COL4A5: variants seen among roughly 807,000 people sequenced by gnomAD.
The protein encoded by COL4A5 is collagen type IV alpha 5 chain, also known as collagen alpha-5(IV) chain.
COL4A5 carries 26 observed loss-of-function variants against 130.2 expected under a neutral mutation model. That is an observed-to-expected ratio of 0.20 (90% CI 0.15 to 0.28). The LOEUF (loss-of-function observed/expected upper bound fraction) is 0.28, where lower values mean the gene tolerates loss of function less well. Ranked by LOEUF, COL4A5 falls within the 10% of genes least tolerant of loss-of-function variation. The pLI, the probability that COL4A5 is intolerant of heterozygous loss-of-function variation, is 1.00. For missense variants in COL4A5, 1,131 were observed against 1,344.3 expected, an observed-to-expected ratio of 0.84 and a Z score of 2.48; for synonymous variants, 496 against 439.6, an observed-to-expected ratio of 1.13 and a Z score of -1.60.
intron 44 of COL4A5, among the ~76,000 whole-genome samples, chrX:108,680,095 A>G (rs889329204): frequency 3.6e-5 from 4 of 112,309 alleles, no homozygotes; most frequent in Non-Finnish European, 5.6e-5. Context: ...ATTCAGACTT[A>G]TCAGTTCTGA....
intron 1 of COL4A5, among the ~76,000 whole-genome samples, chrX:108,443,862 T>C (rs958373215): frequency 8.9e-5 from 10 of 112,344 alleles, no homozygotes; most frequent in Admixed American, 2.8e-4. Flanking sequence ...TTTTAGCATA[T>C]GTTGATGATT....
chrX:108,450,037 G>T (rs928995878), intron 1 of COL4A5, among the ~76,000 whole-genome samples: 1 of 111,393 alleles, frequency 9.0e-6, no homozygotes, highest in South Asian at 3.8e-4. Context: ...ATACTCTCAG[G>T]GGGGAGAAAG....
chrX:108,472,923 G>T (rs1042011288), intron 1 of COL4A5, among the ~76,000 whole-genome samples: 1 of 111,731 alleles, frequency 9.0e-6, no homozygotes, highest in African/African-American at 3.2e-5. Context: ...CCACATCCTC[G>T]CTAACATTCA....
At chrX:108,658,599 C>A in intron 37 of COL4A5, among the ~76,000 whole-genome samples, 1 of 111,257 alleles carries the variant, frequency 9.0e-6, no homozygotes, top group East Asian at 2.8e-4. Context: ...AGTTATATTA[C>A]TATTCAGATG....
chrX:108,485,148 A>T (rs1460396191), intron 1 of COL4A5, among the ~76,000 whole-genome samples: 1 of 111,471 alleles, frequency 9.0e-6, no homozygotes, highest in East Asian at 2.8e-4. Flanking sequence ...AGAGCTCTTC[A>T]TTCAACTTGT....
At chrX:108,445,011 CCTAT>C (rs1467781075) in intron 1 of COL4A5, among the ~76,000 whole-genome samples, 2 of 110,969 alleles carry the variant, frequency 1.8e-5, no homozygotes, top group Non-Finnish European at 3.8e-5. Flanking sequence ...GGCCGTAGCA[CCTAT>C]CTCACATATT....
chrX:108,628,131 A>G (rs761714291), intron 36 of COL4A5, among the ~76,000 whole-genome samples: 1 of 110,754 alleles, frequency 9.0e-6, no homozygotes, highest in Non-Finnish European at 1.9e-5. Context: ...ATAATTATAT[A>G]GTATTTTTAT....
At chrX:108,576,916 G>A (rs886817824) in intron 10 of COL4A5, among the ~76,000 whole-genome samples, 40 of 111,961 alleles carry the variant, frequency 3.6e-4, no homozygotes, top group Non-Finnish European at 6.8e-4. Context: ...ATGGACTTTC[G>A]CACTTTTTCC....
intron 1 of COL4A5, among the ~76,000 whole-genome samples, chrX:108,479,696 G>C (rs1211916110): frequency 9.0e-6 from 1 of 111,532 alleles, no homozygotes; most frequent in Admixed American, 9.5e-5. Context: ...GGACCTGCTC[G>C]AGCCCAATCA....
Position 108,563,898 on chromosome X carries a change from C to T in COL4A5, c.248C>T (p.Pro83Leu). The T allele has an allele frequency of 1.7e-6, 2 of 1,206,709 alleles. No individual in the cohort carries two copies. Among genetic ancestry groups the T allele is most frequent in the Non-Finnish European group, 2.2e-6 (2 of 892,311 alleles). The change falls in exon 4 of 53, where the codon CCA becomes CTA. Residue 83 changes from proline to leucine, a missense_variant. Transcript: ENST00000328300. ...ATTTTTCAGGGTGATGATGGAATTC[C>T]AGGGCCACCAGGACCAAAAGGAATC... ...PRGQKGDDGI[P>L]GPPGPKGIRG... is the part of the protein sequence containing the mutation.
intron 1 of COL4A5, among the ~76,000 whole-genome samples, chrX:108,530,444 G>A (rs56251121): frequency 4.8e-5 from 5 of 105,124 alleles, no homozygotes; most frequent in African/African-American, 6.9e-5. Flanking sequence ...GAAAATTTTC[G>A]CAACCTACTC....
In COL4A5 at chrX:108,531,340, C is replaced by T. The variant is rs749873076; in HGVS notation, c.82-8406C>T. Among the ~76,000 whole-genome samples the T allele has an allele frequency of 4.8e-4, 42 of 87,662 alleles. No individual in the cohort carries two copies. The East Asian group carries it at 0.014, about 29-fold the overall frequency. The allele number at this position is 87,662 out of a possible 115,157, so 76.1% of individuals were successfully genotyped here. On this transcript the variant is annotated intron_variant, in intron 1 of 52. Transcript: ENST00000328300. ...TAACCTGCACATTGTGCACATGTAC[C>T]CTAAAACTTAAAGTATAATAATAAT...
intron 9 of COL4A5, among the ~76,000 whole-genome samples, chrX:108,575,451 T>C (rs889516623): frequency 1.8e-5 from 2 of 112,791 alleles, no homozygotes; most frequent in Non-Finnish European, 3.7e-5. Context: ...TCCCTTTGCA[T>C]TTTAAAATTT....
intron 36 of COL4A5, among the ~76,000 whole-genome samples, chrX:108,638,432 T>C (rs1369619572): frequency 4.5e-5 from 5 of 111,372 alleles, no homozygotes; most frequent in African/African-American, 1.6e-4. Context: ...TATCTACTTA[T>C]TATAAAGGTC....
Position 108,464,867 on chromosome X carries a change from C to G in COL4A5, c.81+24661C>G, listed in dbSNP as rs1569473680. On this transcript the variant is annotated intron_variant, in intron 1 of 52. Coordinates refer to ENST00000328300, the MANE Select transcript of COL4A5 (RefSeq NM_033380.3). ...GAAATCTTACTGAAGAAGTCTAGGT[C>G]CCAATTCAGGCTCCTTTCCCTTCTA... is the stretch of plus-strand genomic sequence containing the variant. Among the ~76,000 whole-genome samples, 4 of 111,996 alleles carry G rather than the reference C, an allele frequency of 3.6e-5. No homozygotes were observed. In the South Asian group the frequency reaches 1.5e-3, roughly 41 times the overall value.
intron 36 of COL4A5, among the ~76,000 whole-genome samples, chrX:108,632,471 C>G (rs1352248241): frequency 3.6e-5 from 4 of 111,588 alleles, no homozygotes; most frequent in African/African-American, 9.8e-5. Context: ...TCCTCCCTAA[C>G]TCATTTTATG....
chrX:108,475,585 A>G (rs771233512), intron 1 of COL4A5, among the ~76,000 whole-genome samples: 15 of 111,105 alleles, frequency 1.4e-4, no homozygotes, highest in Non-Finnish European at 2.3e-4. Flanking sequence ...GTGGTTCTCA[A>G]TGAGTGGGGG....
intron 37 of COL4A5, 140 bp downstream of exon 37, chrX:108,655,597 T>C: frequency 2.8e-6 from 2 of 721,766 alleles, no homozygotes; most frequent in Non-Finnish European, 2.0e-6. Context: ...TCAAACTATC[T>C]CTTTACCTTT....
intron 2 of COL4A5, among the ~76,000 whole-genome samples, chrX:108,552,893 A>G (rs1349453602): frequency 8.9e-6 from 1 of 112,264 alleles, no homozygotes; most frequent in Non-Finnish European, 1.9e-5. Flanking sequence ...ACAGTAAACA[A>G]GATAGTGTGC....
Sources: gnomAD v4.1 joint callset for allele counts (sites outside exome capture counted in the v4.1 genomes callset) on GRCh38, gnomAD v4.1.1 for gene constraint, MANE v1.5 for transcripts, NCBI Gene and HGNC (gene_info 2026-07-23, HGNC 2026-07-21) for gene names.